TIA1: variants seen among roughly 807,000 people sequenced by gnomAD.
The protein encoded by TIA1 is TIA1 cytotoxic granule associated RNA binding protein, also known as cytotoxic granule associated RNA binding protein TIA1.
Under a neutral mutation model 65.9 loss-of-function variants are expected in TIA1, and 23 were observed. The ratio of observed to expected loss-of-function variants is 0.35; its 90% CI spans 0.25 to 0.49. TIA1 has a LOEUF of 0.49. Ranked by LOEUF, TIA1 falls within the 20% of genes least tolerant of loss-of-function variation. The probability of loss-of-function intolerance (pLI) is 0.98; values close to 1 mark genes in which losing one functional copy is unlikely to be tolerated. For synonymous variants in TIA1, 147 were observed against 149.4 expected (o/e 0.98, Z 0.12); for missense variants, 371 against 477.9 (o/e 0.78, Z 2.09).
chr2:70,214,980 A>G (rs1452070710), intron 11 of TIA1: 2 of 196,496 alleles, frequency 1.0e-5, no homozygotes, highest in Non-Finnish European at 2.0e-5. Flanking sequence ...CCTGGAAAAA[A>G]AAGGCAGCAA....
At chr2:70,212,901 A>G (rs1676884772) in intron 12 of TIA1, 56 bp from the exon 13 acceptor site, 1 of 1,173,326 alleles carries the variant, frequency 8.5e-7, no homozygotes, top group Non-Finnish European at 1.3e-6. Context: ...ATTAAAATAA[A>G]GTATTGGCAA....
At chr2:70,227,192 A>C (rs1259468852) in intron 6 of TIA1, among the ~76,000 whole-genome samples, 1 of 152,180 alleles carries the variant, frequency 6.6e-6, no homozygotes, top group Non-Finnish European at 1.5e-5. Context: ...TAAGGGCCTA[A>C]AATGTATGAC....
intron 3 of TIA1, among the ~76,000 whole-genome samples, chr2:70,230,103 C>G (rs1193038911): frequency 6.6e-6 from 1 of 151,474 alleles, no homozygotes; most frequent in Non-Finnish European, 1.5e-5. Flanking sequence ...ATTAGTCAGG[C>G]GTGGTGGCGG....
In TIA1 at chr2:70,210,302, G is replaced by A. The variant is rs1035228090; in HGVS notation, c.*2417C>T. On this transcript the variant is annotated 3_prime_UTR_variant, in exon 13 of 13. Transcript: ENST00000433529. ...TGTAAATCACTTCAGGTTCTTTACAGTACCAGAAAGTAAAATCTAAATTTT... is the reference window on the plus strand; with the variant it reads ...TGTAAATCACTTCAGGTTCTTTACAATACCAGAAAGTAAAATCTAAATTTT... The A allele has an allele frequency of 6.6e-6, 1 of 152,188 alleles. No homozygotes were observed. Among genetic ancestry groups the A allele is most frequent in the African/African-American group, 2.4e-5 (1 of 41,444 alleles). 9.4% of individuals were successfully genotyped at this position (152,188 alleles called of 1,614,324 possible). A position where few individuals can be genotyped will look rare whatever the true frequency, so the allele number is the denominator to read the frequency against.
At chr2:70,248,339 C>A (rs1224780640) in intron 1 of TIA1, 66 bp downstream of exon 1, 1 of 1,561,498 alleles carries the variant, frequency 6.4e-7, no homozygotes. Context: ...GGGAGCGGCG[C>A]AGGGCCGAGG....
At chr2:70,224,137 C>T (rs1487936523) in intron 7 of TIA1, among the ~76,000 whole-genome samples, 5 of 151,866 alleles carry the variant, frequency 3.3e-5, no homozygotes, top group African/African-American at 1.2e-4. Context: ...TGGCTGTTCT[C>T]AAAGTCCTGA....
At chr2:70,237,384 G>A (rs1424597949) in intron 1 of TIA1, among the ~76,000 whole-genome samples, 1 of 152,074 alleles carries the variant, frequency 6.6e-6, no homozygotes, top group Non-Finnish European at 1.5e-5. Context: ...CTGGGCAACA[G>A]AGTGAGACTA....
chr2:70,219,241 G>A (rs1456746886), intron 7 of TIA1, among the ~76,000 whole-genome samples: 3 of 134,138 alleles, frequency 2.2e-5, no homozygotes, highest in African/African-American at 5.1e-5. Flanking sequence ...GGTGACTAGG[G>A]AGGAGTAGCC....
At chr2:70,232,186 G>A (rs182617579) in intron 2 of TIA1, among the ~76,000 whole-genome samples, 1 of 139,656 alleles carries the variant, frequency 7.2e-6, no homozygotes, top group Admixed American at 7.5e-5. Context: ...TCCAGCCTGG[G>A]CGACAGAGCG....
chr2:70,215,177 T>G, intron 11 of TIA1, 194 bp downstream of exon 11: 1 of 626,094 alleles, frequency 1.6e-6, no homozygotes, highest in Non-Finnish European at 2.7e-6. Flanking sequence ...CATGAGTCAA[T>G]TGAGGCGGTC....
chr2:70,213,997 G>A (rs573942826), intron 12 of TIA1, among the ~76,000 whole-genome samples: 1 of 152,096 alleles, frequency 6.6e-6, no homozygotes, highest in African/African-American at 2.4e-5. Context: ...TTTCCAGTGT[G>A]TTTTTCAGAA....
chr2:70,236,085 A>T lies in TIA1; in HGVS notation c.117T>A (p.Ile39=), dbSNP rs140693539. The change falls in exon 2 of 13, where the codon ATT becomes ATA. Residue 39 remains isoleucine, a synonymous_variant. Coordinates refer to ENST00000433529, the MANE Select transcript of TIA1 (RefSeq NM_022173.4). ...CTAAGTAAAATACCCTTACATCCAT[A>T]ATCATTTTGCAGTTTTTACAAGGTC... ...QIGPCKNCKM[I]MDTAGNDPYC... is the part of the protein sequence containing the mutation. 2 of 1,586,024 alleles carry T rather than the reference A, an allele frequency of 1.3e-6. No homozygotes were observed. The highest frequency in any genetic ancestry group is 1.1e-5 in the South Asian group (1 of 87,350).
At position 70,216,976 on chromosome 2, in the gene TIA1, G is replaced by C; in HGVS notation, c.493C>G (p.Gln165Glu). The C allele has an allele frequency of 6.2e-7, 1 of 1,613,084 alleles. No homozygotes were observed. The highest frequency in any genetic ancestry group is 8.5e-7 in the Non-Finnish European group (1 of 1,179,614). ...CCAAGCCACTGGCCACCCATCTGTT[G>C]AATGGCGTTTTCAGCATCCTGTTCC... ...FNKWDAENAI[Q>E]QMGGQWLGGR... Residue 165 changes from glutamine (Q) to glutamate (E), a missense_variant, in exon 8 of 13, where the codon CAA becomes GAA. Gln to Glu is a conservative substitution (Grantham distance 29). Coordinates refer to ENST00000433529, the MANE Select transcript of TIA1 (RefSeq NM_022173.4).
Position 70,248,553 on chromosome 2 carries a change from C to T in TIA1, c.-123G>A. The T allele has an allele frequency of 6.9e-7, 1 of 1,448,810 alleles. No individual in the cohort carries two copies. The highest frequency in any genetic ancestry group is 9.5e-7 in the Non-Finnish European group (1 of 1,056,776). 89.7% of individuals were successfully genotyped at this position (1,448,810 alleles called of 1,614,324 possible). A position where few individuals can be genotyped will look rare whatever the true frequency, so the allele number is the denominator to read the frequency against. ...TCTCGGCTGACCAGAGGTTACTCCG[C>T]CTCCTCCTCCGGCGGCAATTACACT... On this transcript the variant is annotated 5_prime_UTR_variant, in exon 1 of 13. Coordinates refer to ENST00000433529, the MANE Select transcript of TIA1 (RefSeq NM_022173.4).
At chr2:70,236,496 GTTT>G (rs372445208) in intron 1 of TIA1, among the ~76,000 whole-genome samples, 1 of 146,466 alleles carries the variant, frequency 6.8e-6, no homozygotes, top group Non-Finnish European at 1.5e-5. Flanking sequence ...ACTGCACCCG[GTTT>G]TTTTTTTTAA....
intron 3 of TIA1, 101 bp downstream of exon 3, chr2:70,230,655 A>AAG (rs1685858962): frequency 1.1e-6 from 1 of 937,424 alleles, no homozygotes; most frequent in African/African-American, 1.7e-5. Flanking sequence ...TTCATCTCAA[A>AAG]AAAAAAAAAA....
chr2:70,214,705 C>G (rs547003611), intron 11 of TIA1, among the ~76,000 whole-genome samples: 37 of 151,314 alleles, frequency 2.4e-4, no homozygotes, highest in Non-Finnish European at 3.8e-4. Flanking sequence ...TGTAACTCTA[C>G]GTGATACTCT....
chr2:70,244,363 C>T (rs78266301), intron 1 of TIA1, among the ~76,000 whole-genome samples: 1,767 of 152,240 alleles, frequency 0.012, 41 homozygotes, highest in African/African-American at 0.04. Context: ...TATGTAAATT[C>T]GTAAAAGGCC....
At chr2:70,236,529 T>C (rs1352654963) in intron 1 of TIA1, among the ~76,000 whole-genome samples, 1 of 151,774 alleles carries the variant, frequency 6.6e-6, no homozygotes, top group Non-Finnish European at 1.5e-5. Context: ...TCTGGCTATA[T>C]TGCTCAGGCT....
Sources: allele counts gnomAD v4.1 joint callset (sites outside exome capture counted in the v4.1 genomes callset), GRCh38; gene constraint gnomAD v4.1.1; transcripts MANE v1.5; gene names NCBI Gene and HGNC (gene_info 2026-07-23, HGNC 2026-07-21).